Variants in YAF2 observed in about 807,000 individuals in gnomAD.
YAF2 encodes YY1-associated factor 2.
A neutral mutation model predicts 20.1 loss-of-function variants in YAF2; 7 were observed. The ratio of observed to expected loss-of-function variants is 0.35; its 90% CI spans 0.20 to 0.65. The LOEUF (loss-of-function observed/expected upper bound fraction) is 0.65. Ranked by LOEUF, YAF2 falls within the 30% of genes least tolerant of loss-of-function variation. The pLI is 0.69. For missense variants in YAF2, 151 were observed against 219.2 expected, an observed-to-expected ratio of 0.69 and a Z score of 1.96; for synonymous variants, 74 against 76.0, an observed-to-expected ratio of 0.97 and a Z score of 0.14.
chr12:42,200,495 T>C (rs1288077093), intron 2 of YAF2, among the ~76,000 whole-genome samples: 17 of 152,144 alleles, frequency 1.1e-4, no homozygotes, highest in Non-Finnish European at 2.4e-4. Context: ...TAAATGAAGA[T>C]TAAAACAACA....
intron 2 of YAF2, among the ~76,000 whole-genome samples, chr12:42,222,311 A>G (rs1260865520): frequency 2.0e-5 from 3 of 152,240 alleles, no homozygotes; most frequent in South Asian, 2.1e-4. Flanking sequence ...TGTTGGCCCT[A>G]TATCTAACCT....
rs138356767 is a variant in YAF2 at position 42,189,215 on chromosome 12, A to G, written c.153-27450T>C. On this transcript the variant is annotated intron_variant, in intron 2 of 3. Coordinates refer to ENST00000534854, the MANE Select transcript of YAF2 (RefSeq NM_005748.6). ...TCAGAAAACCTGCTAGTAAATAATC[A>G]ACTACAACTGCATACTCAGATTATA... 1.2e-4 allele frequency among the ~76,000 whole-genome samples: 18 copies of G among 152,306 alleles called. No individual in the cohort carries two copies. The East Asian group carries it at 3.5e-3, about 29-fold the overall frequency.
chr12:42,204,080 C>G (rs778440909), intron 2 of YAF2, among the ~76,000 whole-genome samples: 13 of 151,266 alleles, frequency 8.6e-5, no homozygotes, highest in Non-Finnish European at 1.6e-4. Flanking sequence ...AAAAACCAAC[C>G]AAACAAAAAA....
intron 2 of YAF2, among the ~76,000 whole-genome samples, chr12:42,236,611 C>A (rs1235660350): frequency 2.0e-5 from 3 of 152,062 alleles, no homozygotes; most frequent in Non-Finnish European, 4.4e-5. Flanking sequence ...AGAAATCTAA[C>A]GTCTACTGAA....
intron 2 of YAF2, among the ~76,000 whole-genome samples, chr12:42,186,778 G>T (rs1418137647): frequency 6.6e-6 from 1 of 152,180 alleles, no homozygotes; most frequent in Non-Finnish European, 1.5e-5. Context: ...CCTCAATTTG[G>T]AATATTCAAA....
chr12:42,224,132 C>T (rs1434074984), intron 2 of YAF2, among the ~76,000 whole-genome samples: 1 of 152,108 alleles, frequency 6.6e-6, no homozygotes, highest in Admixed American at 6.6e-5. Context: ...GTTGGAAAAT[C>T]CATTCTCAAC....
intron 2 of YAF2, among the ~76,000 whole-genome samples, chr12:42,191,539 C>T (rs537958820): frequency 6.6e-6 from 1 of 152,040 alleles, no homozygotes; most frequent in African/African-American, 2.4e-5. Flanking sequence ...TATCATGGGG[C>T]CTTTATACTT....
chr12:42,168,050 C>T (rs2065955311), intron 2 of YAF2, among the ~76,000 whole-genome samples: 3 of 151,994 alleles, frequency 2.0e-5, no homozygotes, highest in African/African-American at 7.2e-5. Flanking sequence ...GAATAATATA[C>T]AAATATATCT....
chr12:42,193,503 G>A (rs1359194897), intron 2 of YAF2, among the ~76,000 whole-genome samples: 1 of 151,994 alleles, frequency 6.6e-6, no homozygotes, highest in African/African-American at 2.4e-5. Context: ...TGAAGGCATT[G>A]TTGTTTTTGG....
chr12:42,192,869 A>G (rs2066650538), intron 2 of YAF2, among the ~76,000 whole-genome samples: 1 of 152,238 alleles, frequency 6.6e-6, no homozygotes, highest in African/African-American at 2.4e-5. Flanking sequence ...GTCAACAACA[A>G]ACCACATATG....
In YAF2 at chr12:42,178,927, C is replaced by T. The variant is rs137959259; in HGVS notation, c.153-17162G>A. Among the ~76,000 whole-genome samples the T allele has an allele frequency of 1.7e-3, 264 of 152,166 alleles. 1 individual carries two copies. The highest frequency in any genetic ancestry group is 5.9e-3 in the African/African-American group (247 of 41,550). ...CTTTAGCCAGGTGTGGTGGTGCGTG[C>T]CTGTAGTCTTACGTACTCAGAAGGC... On this transcript the variant is annotated intron_variant, in intron 2 of 3. Coordinates refer to ENST00000534854, the MANE Select transcript of YAF2 (RefSeq NM_005748.6).
At position 42,190,340 on chromosome 12, in the gene YAF2, C is replaced by T. The variant is rs533320471; in HGVS notation, c.153-28575G>A. On this transcript the variant is annotated intron_variant, in intron 2 of 3. Transcript: ENST00000534854. ...CCCTGGGCAACAGAGTGAGTGCAACCGTCTCAAAAAAATAAACAATAAAAT... is the reference window on the plus strand; with the variant it reads ...CCCTGGGCAACAGAGTGAGTGCAACTGTCTCAAAAAAATAAACAATAAAAT... Among the ~76,000 whole-genome samples, 190 of 152,018 alleles carry T rather than the reference C, an allele frequency of 1.2e-3. 1 individual carries two copies. The South Asian group carries it at 0.013, about 11-fold the overall frequency.
intron 2 of YAF2, among the ~76,000 whole-genome samples, chr12:42,191,198 C>A (rs1015134429): frequency 6.6e-6 from 1 of 152,150 alleles, no homozygotes; most frequent in Non-Finnish European, 1.5e-5. Flanking sequence ...TCTCTCTCTT[C>A]TTCCCTGAAT....
chr12:42,187,266 C>A (rs1398741801), intron 2 of YAF2, among the ~76,000 whole-genome samples: 2 of 152,124 alleles, frequency 1.3e-5, no homozygotes, highest in Non-Finnish European at 2.9e-5. Context: ...AAGCAATCCT[C>A]CCACCTCAGC....
intron 2 of YAF2, among the ~76,000 whole-genome samples, chr12:42,163,041 G>T (rs185606466): frequency 7.8e-4 from 118 of 152,162 alleles, no homozygotes; most frequent in Middle Eastern, 3.4e-3. Flanking sequence ...CACCAAGAAG[G>T]CTTGTTTAGC....
At chr12:42,192,779 T>C (rs1401300360) in intron 2 of YAF2, among the ~76,000 whole-genome samples, 1 of 152,196 alleles carries the variant, frequency 6.6e-6, no homozygotes, top group Non-Finnish European at 1.5e-5. Context: ...CTACCCAATT[T>C]TGGAGTTACA....
At chr12:42,203,972 T>G (rs1332590432) in intron 2 of YAF2, among the ~76,000 whole-genome samples, 2 of 152,168 alleles carry the variant, frequency 1.3e-5, no homozygotes, top group Non-Finnish European at 2.9e-5. Context: ...GGAAATTGCT[T>G]GAGGCCAGTT....
In YAF2 at chr12:42,157,531, T is replaced by C. The variant is rs1192073190; in HGVS notation, c.*3058A>G. On this transcript the variant is annotated 3_prime_UTR_variant, in exon 4 of 4. Coordinates refer to ENST00000534854, the MANE Select transcript of YAF2 (RefSeq NM_005748.6). ...AGTGGAAACGAAAACTTCTAGACCA[T>C]TTACCATTAATGCAGAGGCTACATT... The C allele has an allele frequency of 1.3e-5, 2 of 152,120 alleles. No individual in the cohort carries two copies. The highest frequency in any genetic ancestry group is 1.9e-4 in the East Asian group (1 of 5,186). The allele number at this position is 152,120 out of a possible 1,614,324, so 9.4% of individuals were successfully genotyped here.
At chr12:42,229,702 C>A (rs569001120) in intron 2 of YAF2, among the ~76,000 whole-genome samples, 1 of 152,208 alleles carries the variant, frequency 6.6e-6, no homozygotes, top group South Asian at 2.1e-4. Context: ...CTACTACATA[C>A]CTAGGCTATA....
Sources: allele counts gnomAD v4.1 joint callset (sites outside exome capture counted in the v4.1 genomes callset), GRCh38; gene constraint gnomAD v4.1.1; transcripts MANE v1.5; gene names NCBI Gene and HGNC (gene_info 2026-07-23, HGNC 2026-07-21).